The following LUZP2 variants were observed in gnomAD, a reference collection of about 807,000 sequenced individuals.
LUZP2 encodes the protein leucine zipper protein 2.
LUZP2 carries 52 observed loss-of-function variants against 51.6 expected under a neutral mutation model. That is an observed-to-expected ratio of 1.01 (90% CI 0.81 to 1.27). LUZP2 has a LOEUF of 1.27. Among genes scored for constraint, LUZP2 ranks in the 50% most tolerant of loss-of-function variants. LUZP2 has a pLI of 0.00. For synonymous variants in LUZP2, 154 were observed against 137.3 expected (o/e 1.12, Z -0.85); for missense variants, 436 against 395.4 (o/e 1.10, Z -0.87).
chr11:24,798,477 G>A (rs964947494), intron 5 of LUZP2, among the ~76,000 whole-genome samples: 10 of 152,246 alleles, frequency 6.6e-5, no homozygotes, highest in South Asian at 2.1e-4. Flanking sequence ...GATTACAGGC[G>A]TGAGCCACTG....
chr11:24,679,327 A>T (rs371542013), intron 1 of LUZP2, among the ~76,000 whole-genome samples: 1 of 152,212 alleles, frequency 6.6e-6, no homozygotes, highest in Non-Finnish European at 1.5e-5. Flanking sequence ...AAAAACAATA[A>T]TAATGTAGAG....
At chr11:25,044,578 A>G (rs1038997531) in intron 9 of LUZP2, among the ~76,000 whole-genome samples, 1 of 152,166 alleles carries the variant, frequency 6.6e-6, no homozygotes, top group Non-Finnish European at 1.5e-5. Context: ...AGAAATGCAT[A>G]TTTTCTTCCT....
At chr11:24,597,943 A>G (rs1853497709) in intron 1 of LUZP2, among the ~76,000 whole-genome samples, 1 of 152,092 alleles carries the variant, frequency 6.6e-6, no homozygotes, top group Non-Finnish European at 1.5e-5. Context: ...TCTACTAAAG[A>G]TACAAAAATT....
intron 5 of LUZP2, among the ~76,000 whole-genome samples, chr11:24,880,095 G>A (rs1852412061): frequency 6.6e-6 from 1 of 152,166 alleles, no homozygotes; most frequent in Non-Finnish European, 1.5e-5. Flanking sequence ...AAGCACTTTA[G>A]GCCATGGTGG....
intron 7 of LUZP2, among the ~76,000 whole-genome samples, chr11:24,971,617 G>A (rs796656205): frequency 2.6e-5 from 4 of 151,858 alleles, no homozygotes; most frequent in Admixed American, 1.3e-4. Flanking sequence ...GCACACGTAC[G>A]CCCTGTATCT....
At chr11:24,801,879 T>C (rs948540733) in intron 5 of LUZP2, among the ~76,000 whole-genome samples, 2 of 151,432 alleles carry the variant, frequency 1.3e-5, no homozygotes, top group Non-Finnish European at 1.5e-5. Flanking sequence ...TATGAGCTTG[T>C]TCTGTCATTT....
chr11:25,028,320 A>G (rs1857554807), intron 9 of LUZP2, among the ~76,000 whole-genome samples: 1 of 152,164 alleles, frequency 6.6e-6, no homozygotes, highest in Non-Finnish European at 1.5e-5. Flanking sequence ...ATATTTAACT[A>G]TATTTTTATA....
chr11:24,534,621 T>C (rs911791713), intron 1 of LUZP2, among the ~76,000 whole-genome samples: 1 of 151,442 alleles, frequency 6.6e-6, no homozygotes, highest in Non-Finnish European at 1.5e-5. Flanking sequence ...TAATTTAATA[T>C]TGAATATGTT....
chr11:25,076,081 C>T (rs1859289035), intron 10 of LUZP2, among the ~76,000 whole-genome samples: 1 of 152,074 alleles, frequency 6.6e-6, no homozygotes, highest in African/African-American at 2.4e-5. Context: ...GGCATGATCA[C>T]AGCTCATTGC....
intron 1 of LUZP2, among the ~76,000 whole-genome samples, chr11:24,627,328 GT>G (rs1055577438): frequency 1.3e-5 from 2 of 152,066 alleles, no homozygotes; most frequent in Admixed American, 6.6e-5. Context: ...AAAAGAGAAG[GT>G]TTTTCAGCTA....
chr11:24,925,849 A>G (rs1854210872), intron 7 of LUZP2, among the ~76,000 whole-genome samples: 1 of 152,074 alleles, frequency 6.6e-6, no homozygotes, highest in South Asian at 2.1e-4. Context: ...TCACCCAAGC[A>G]GAGTACACTG....
Position 24,816,015 on chromosome 11 carries a change from A to T in LUZP2, c.396+52707A>T, listed in dbSNP as rs1285924651. ...TATCTTCTTTTTTTTTTAAAAAAAAAAAAAAAAGACTTTTATCACCCGGCT... is the reference window on the plus strand; with the variant it reads ...TATCTTCTTTTTTTTTTAAAAAAAATAAAAAAAGACTTTTATCACCCGGCT... On this transcript the variant is annotated intron_variant, in intron 5 of 11. Coordinates refer to ENST00000336930, the MANE Select transcript of LUZP2 (RefSeq NM_001009909.4). Among the ~76,000 whole-genome samples, 13 of 151,986 alleles carry T rather than the reference A, an allele frequency of 8.6e-5. 1 individual carries two copies. Among genetic ancestry groups the T allele is most frequent in the African/African-American group, 7.2e-5 (3 of 41,384 alleles).
At chr11:24,926,361 G>GTATATATATATACGTGTGTA (rs1854251695) in intron 7 of LUZP2, among the ~76,000 whole-genome samples, 3 of 57,390 alleles carry the variant, frequency 5.2e-5, no homozygotes, top group South Asian at 4.9e-4. Flanking sequence ...ATATACGTGT[G>GTATATATATATACGTGTGTA]TATATATATA....
intron 1 of LUZP2, among the ~76,000 whole-genome samples, chr11:24,633,974 T>A (rs1360140505): frequency 9.5e-6 from 1 of 105,508 alleles, no homozygotes; most frequent in South Asian, 3.2e-4. Context: ...GTATATATAG[T>A]CTGTCTATTA....
chr11:24,510,309 G>C (rs1190169970), intron 1 of LUZP2, among the ~76,000 whole-genome samples: 1 of 152,162 alleles, frequency 6.6e-6, no homozygotes, highest in African/African-American at 2.4e-5. Flanking sequence ...TACCAGCCTG[G>C]CAGGACTAAA....
intron 5 of LUZP2, among the ~76,000 whole-genome samples, chr11:24,765,373 AG>A (rs1860143180): frequency 6.6e-6 from 1 of 152,198 alleles, no homozygotes; most frequent in Non-Finnish European, 1.5e-5. Context: ...AAATCCACTA[AG>A]TGGTTACTTT....
chr11:24,853,997 G>C (rs1317142985), intron 5 of LUZP2, among the ~76,000 whole-genome samples: 1 of 152,160 alleles, frequency 6.6e-6, no homozygotes, highest in Non-Finnish European at 1.5e-5. Context: ...TGGAGGCTTT[G>C]TCTCAGAGGA....
chr11:24,763,456 G>A (rs1229727495), intron 5 of LUZP2, 148 bp downstream of exon 5: 3 of 376,564 alleles, frequency 8.0e-6, no homozygotes, highest in Non-Finnish European at 1.5e-5. Context: ...GTAAGGTGAA[G>A]AATTTCAAAA....
chr11:24,512,122 A>C (rs11027961), intron 1 of LUZP2, among the ~76,000 whole-genome samples: 23,105 of 152,192 alleles, frequency 0.15, 2,651 homozygotes, highest in African/African-American at 0.32. Context: ...TAGATGATGT[A>C]TATTGGGCTG....
Sources: gnomAD v4.1 joint callset for allele counts (sites outside exome capture counted in the v4.1 genomes callset) on GRCh38, gnomAD v4.1.1 for gene constraint, MANE v1.5 for transcripts, NCBI Gene and HGNC (gene_info 2026-07-23, HGNC 2026-07-21) for gene names.